Variants in CFAP251 observed in about 807,000 individuals in gnomAD.
CFAP251 encodes cilia and flagella associated protein 251.
A neutral mutation model predicts 126.7 loss-of-function variants in CFAP251; 93 were observed. That is an observed-to-expected ratio of 0.73 (90% CI 0.62 to 0.87). CFAP251 has a LOEUF of 0.87. Ranked by LOEUF, CFAP251 falls within the 40% of genes least tolerant of loss-of-function variation. The probability of loss-of-function intolerance (pLI) is 0.00; values close to 1 mark genes in which losing one functional copy is unlikely to be tolerated. For synonymous variants in CFAP251, 503 were observed against 506.9 expected, an observed-to-expected ratio of 0.99 and a Z score of 0.10; for missense variants, 1,287 against 1,389.2, an observed-to-expected ratio of 0.93 and a Z score of 1.17.
chr12:121,999,665 G>T (rs772516894), intron 19 of CFAP251, 51 bp from the exon 20 acceptor site: 1 of 1,433,256 alleles, frequency 7.0e-7, no homozygotes. Flanking sequence ...ATCTATCCTG[G>T]TGCCTTTTCT....
intron 15 of CFAP251, among the ~76,000 whole-genome samples, chr12:121,963,821 G>C (rs529035150): frequency 6.6e-6 from 1 of 151,524 alleles, no homozygotes; most frequent in Non-Finnish European, 1.5e-5. Context: ...CTTGACCCTA[G>C]CCCTGACCCC....
Position 121,928,502 on chromosome 12 carries a change from G to A in CFAP251, c.748-3244G>A, listed in dbSNP as rs945564987. Among the ~76,000 whole-genome samples, 4 of 151,254 alleles carry A rather than the reference G, an allele frequency of 2.6e-5. No individual in the cohort carries two copies. In the South Asian group the frequency reaches 6.3e-4, roughly 24 times the overall value. On this transcript the variant is annotated intron_variant, in intron 3 of 21. Coordinates refer to ENST00000288912, the MANE Select transcript of CFAP251 (RefSeq NM_144668.6). ...ATAAGTATTGTTCAAAGATAAGAAA[G>A]GAAACTTACCAGATTTTGTTTCTAT... is the stretch of plus-strand genomic sequence containing the variant.
At chr12:122,000,655 A>G (rs558864298) in intron 20 of CFAP251, among the ~76,000 whole-genome samples, 7 of 152,276 alleles carry the variant, frequency 4.6e-5, no homozygotes, top group East Asian at 1.9e-4. Context: ...TTTACCTACT[A>G]TGTTTCTCAT....
At chr12:121,945,420 T>G (rs1466276804) in intron 7 of CFAP251, among the ~76,000 whole-genome samples, 2 of 149,828 alleles carry the variant, frequency 1.3e-5, no homozygotes, top group East Asian at 4.1e-4. Flanking sequence ...CTCGGCTCAC[T>G]GCAACCTCTG....
chr12:121,979,556 T>G (rs1882563524), intron 19 of CFAP251, among the ~76,000 whole-genome samples: 1 of 119,548 alleles, frequency 8.4e-6, no homozygotes, highest in Non-Finnish European at 1.8e-5. Context: ...TAGTCAGCTT[T>G]CTTCTTCTTT....
intron 19 of CFAP251, among the ~76,000 whole-genome samples, chr12:121,994,046 T>C (rs1406474518): frequency 9.3e-4 from 71 of 76,650 alleles, no homozygotes; most frequent in African/African-American, 1.9e-3. Flanking sequence ...CCCCCCCGCC[T>C]GGCCAGCCGC....
rs377538717 is a variant in CFAP251, at chr12:121,974,683, A to G, written c.2772-561A>G. Among the ~76,000 whole-genome samples the G allele has an allele frequency of 1.5e-3, 226 of 152,338 alleles. No homozygotes were observed. Among genetic ancestry groups the G allele is most frequent in the African/African-American group, 5.2e-3 (216 of 41,578 alleles). ...TTGTAGGAGGCAAAGTTGGTCTCAT[A>G]CAAAAGTAGGTTTTCTTACCATTGA... On this transcript the variant is annotated intron_variant, in intron 17 of 21. Transcript: ENST00000288912. This position sits in a 1 kb window ranked among gnomAD's most constrained non-coding sequence, Gnocchi z 4.6.
At chr12:121,952,983 T>C (rs1051744102) in intron 9 of CFAP251, 1 of 152,186 alleles carries the variant, frequency 6.6e-6, no homozygotes, top group Non-Finnish European at 1.5e-5. Flanking sequence ...TCTGGTCACA[T>C]TTTCACCAAT....
Position 121,921,513 on chromosome 12 carries a change from A to G in CFAP251, c.208A>G (p.Lys70Glu), listed in dbSNP as rs2135741538. The change falls in exon 2 of 22, where the codon AAA (lysine) becomes GAA (glutamate). Residue 70 changes from lysine (K) to glutamate (E), a missense_variant. Lys to Glu is a moderately conservative substitution (Grantham distance 56). Coordinates refer to ENST00000288912, the MANE Select transcript of CFAP251 (RefSeq NM_144668.6). ...EEGEEEGKEDKKIVMEETEEK... is the reference protein window; with the variant it reads ...EEGEEEGKEDEKIVMEETEEK... ...AGGGGAGGAGGAGGGGAAGGAGGACAAAAAGATTGTCATGGAAGAAACTGA... is the reference window on the plus strand; with the variant it reads ...AGGGGAGGAGGAGGGGAAGGAGGACGAAAAGATTGTCATGGAAGAAACTGA... 1 of 640,830 alleles carries G rather than the reference A, an allele frequency of 1.6e-6. No homozygotes were observed. The highest frequency in any genetic ancestry group is 4.1e-5 in the East Asian group (1 of 24,610). The allele number at this position is 640,830 out of a possible 1,614,324, so 39.7% of individuals were successfully genotyped here.
intron 15 of CFAP251, among the ~76,000 whole-genome samples, chr12:121,966,427 A>ACTT (rs1477571716): frequency 1.8e-5 from 1 of 54,692 alleles, no homozygotes; most frequent in Non-Finnish European, 3.6e-5. Flanking sequence ...TGCCTGGCTA[A>ACTT]TTTTTTTTTT....
At chr12:121,941,659 A>G (rs996812314) in intron 5 of CFAP251, among the ~76,000 whole-genome samples, 7 of 152,118 alleles carry the variant, frequency 4.6e-5, no homozygotes, top group Admixed American at 2.6e-4. Flanking sequence ...TGGTTATGCT[A>G]TAATATCTTT....
In CFAP251 at chr12:121,941,116, C is replaced by T. The variant is rs1051543279; in HGVS notation, c.999-1418C>T. ...TGTAATCTTGGCTCACTGCAAACTC[C>T]GCCTCCTGGGTTCAAGTGATTCTCC... is the stretch of plus-strand genomic sequence containing the variant. On this transcript the variant is annotated intron_variant, in intron 5 of 21. Transcript: ENST00000288912. 4.6e-5 allele frequency among the ~76,000 whole-genome samples: 7 copies of T among 151,446 alleles called. No individual in the cohort carries two copies. The East Asian group carries it at 1.2e-3, about 25-fold the overall frequency.
rs1048046990 is a variant in CFAP251, at chr12:121,974,411, G to A, written c.2772-833G>A. ...TACAACAATGCTGTGAGGCAGAATC[G>A]TCTCATTTTATAGTGGAGGACACTG... is the stretch of plus-strand genomic sequence containing the variant. On this transcript the variant is annotated intron_variant, in intron 17 of 21. Transcript: ENST00000288912. The surrounding 1 kb of genome is among the most constrained non-coding windows in gnomAD (Gnocchi z 4.6). Among the ~76,000 whole-genome samples, 3 of 152,138 alleles carry A rather than the reference G, an allele frequency of 2.0e-5. No homozygotes were observed. Among genetic ancestry groups the A allele is most frequent in the East Asian group, 1.9e-4 (1 of 5,192 alleles).
intron 17 of CFAP251, among the ~76,000 whole-genome samples, chr12:121,973,644 A>G (rs1234676996): frequency 6.6e-6 from 1 of 152,212 alleles, no homozygotes; most frequent in Non-Finnish European, 1.5e-5. Context: ...CTCTTGCATC[A>G]GCGTGACCTG....
chr12:121,961,843 A>T, intron 14 of CFAP251, 135 bp from the exon 15 acceptor site: 1 of 847,174 alleles, frequency 1.2e-6, no homozygotes, highest in Non-Finnish European at 1.8e-6. Flanking sequence ...CTCTTAGGAG[A>T]CCTGATACCG....
At chr12:121,978,219 C>T (rs989638856) in intron 19 of CFAP251, among the ~76,000 whole-genome samples, 28 of 150,038 alleles carry the variant, frequency 1.9e-4, no homozygotes, top group African/African-American at 6.3e-4. Flanking sequence ...GGTGAAACCC[C>T]GTCTCTACTA....
intron 17 of CFAP251, among the ~76,000 whole-genome samples, chr12:121,970,787 A>G (rs988469898): frequency 9.2e-5 from 14 of 152,346 alleles, no homozygotes; most frequent in Admixed American, 7.2e-4. Flanking sequence ...CTTGCTGTCT[A>G]CTTGGCCCTG....
chr12:121,968,936 C>T (rs1882242494), intron 17 of CFAP251: 1 of 985,248 alleles, frequency 1.0e-6, no homozygotes, highest in Admixed American at 6.1e-5. Context: ...GGGACAAGCA[C>T]CCACACTGTC....
chr12:121,941,424 C>T (rs1367853071), intron 5 of CFAP251, among the ~76,000 whole-genome samples: 1 of 149,188 alleles, frequency 6.7e-6, no homozygotes, highest in Non-Finnish European at 1.5e-5. Context: ...GCCTCAACCT[C>T]CTGGACTCAA....
Sources: allele counts gnomAD v4.1 joint callset (sites outside exome capture counted in the v4.1 genomes callset), GRCh38; gene constraint gnomAD v4.1.1; non-coding constraint Gnocchi (gnomAD v3.1); transcripts MANE v1.5; gene names NCBI Gene and HGNC (gene_info 2026-07-23, HGNC 2026-07-21).